SNX8: variants seen among roughly 807,000 people sequenced by gnomAD.
SNX8 encodes the protein sorting nexin-8.
Under a neutral mutation model 51.6 loss-of-function variants are expected in SNX8, and 25 were observed. That is an observed-to-expected ratio of 0.48 (90% CI 0.35 to 0.68). SNX8 has a LOEUF of 0.68. Among genes scored for constraint, SNX8 ranks in the 30% least tolerant of loss-of-function variants. The pLI, the probability that SNX8 is intolerant of heterozygous loss-of-function variation, is 0.00. For missense variants in SNX8, 695 were observed against 624.0 expected, an observed-to-expected ratio of 1.11 and a Z score of -1.21; for synonymous variants, 324 against 277.0, an observed-to-expected ratio of 1.17 and a Z score of -1.68.
chr7:2,267,953 T>C (rs1483365863), intron 5 of SNX8, among the ~76,000 whole-genome samples: 1 of 132,030 alleles, frequency 7.6e-6, no homozygotes, highest in African/African-American at 3.0e-5. Flanking sequence ...GGGGAGCGCC[T>C]CTGCCCCGCC....
chr7:2,338,017 C>G (rs1012907739), intron 1 of SNX8, among the ~76,000 whole-genome samples: 2 of 152,144 alleles, frequency 1.3e-5, no homozygotes, highest in Admixed American at 6.6e-5. Flanking sequence ...AAGACAAATA[C>G]AAACAGTGTA....
At chr7:2,335,577 CG>C (rs1256210225) in intron 1 of SNX8, among the ~76,000 whole-genome samples, 2 of 152,016 alleles carry the variant, frequency 1.3e-5, no homozygotes, top group Non-Finnish European at 2.9e-5. Context: ...CCGAGGCGGG[CG>C]TATCACGAGG....
intron 1 of SNX8, among the ~76,000 whole-genome samples, chr7:2,311,097 A>T (rs2115208309): frequency 6.6e-6 from 1 of 152,346 alleles, no homozygotes; most frequent in Non-Finnish European, 1.5e-5. Flanking sequence ...GAGCATTCAC[A>T]GCTTAAGCTT....
At chr7:2,330,571 CGA>C (rs1032948246) in intron 1 of SNX8, among the ~76,000 whole-genome samples, 1 of 152,056 alleles carries the variant, frequency 6.6e-6, no homozygotes, top group African/African-American at 2.4e-5. Flanking sequence ...GTCAAAAGTT[CGA>C]GAGGCCCAGA....
chr7:2,326,501 TAAAAATACAA>T (rs1026708921), intron 1 of SNX8, among the ~76,000 whole-genome samples: 1 of 149,858 alleles, frequency 6.7e-6, no homozygotes, highest in Non-Finnish European at 1.5e-5. Context: ...CCGTCTCTAC[TAAAAATACAA>T]AAAAATTAGC....
At chr7:2,313,423 G>T (rs1163648129) in intron 1 of SNX8, among the ~76,000 whole-genome samples, 1 of 151,666 alleles carries the variant, frequency 6.6e-6, no homozygotes, top group Non-Finnish European at 1.5e-5. Context: ...CTACTCAGGA[G>T]GCTGAGGCAG....
chr7:2,311,045 C>T (rs1328181221), intron 1 of SNX8, among the ~76,000 whole-genome samples: 1 of 152,184 alleles, frequency 6.6e-6, no homozygotes, highest in Non-Finnish European at 1.5e-5. Flanking sequence ...CCATGTATGG[C>T]ATAACTGAAA....
Position 2,314,422 on chromosome 7 carries a change from G to A in SNX8, c.-1C>T. On this transcript the variant is annotated 5_prime_UTR_variant, in exon 1 of 11. Coordinates refer to ENST00000222990, the MANE Select transcript of SNX8 (RefSeq NM_013321.4). ...GCGGGTCCATCGCGCGGCCAGTCAT[G>A]TGAGCCCGCGCTCCCACGTGACTTC... 8.2e-7 allele frequency: 1 copy of A among 1,214,782 alleles called. No homozygotes were observed. The allele number at this position is 1,214,782 out of a possible 1,614,324, so 75.3% of individuals were successfully genotyped here.
At chr7:2,287,964 G>A (rs1018606801) in intron 1 of SNX8, 12 of 152,348 alleles carry the variant, frequency 7.9e-5, no homozygotes, top group African/African-American at 2.4e-4. Flanking sequence ...ATACTCTTCA[G>A]TGTGGCTGTG....
chr7:2,306,148 T>C (rs1001386077), intron 1 of SNX8, among the ~76,000 whole-genome samples: 2 of 151,778 alleles, frequency 1.3e-5, no homozygotes, highest in Admixed American at 1.3e-4. Context: ...TTTTTTTGTT[T>C]GTTTTTTGTT....
intron 1 of SNX8, among the ~76,000 whole-genome samples, chr7:2,329,890 C>T (rs1356212707): frequency 8.9e-5 from 13 of 145,890 alleles, no homozygotes; most frequent in Middle Eastern, 3.7e-3. Flanking sequence ...TGCAGTGGTG[C>T]GATCTCGGCT....
intron 1 of SNX8, among the ~76,000 whole-genome samples, chr7:2,288,739 GGTTTTT>G (rs1042570191): frequency 1.3e-4 from 20 of 151,954 alleles, no homozygotes; most frequent in African/African-American, 1.2e-4. Flanking sequence ...CCTGTTTTGG[GGTTTTT>G]GTTTTTGAGA....
chr7:2,263,432 TC>T (rs961499500), intron 6 of SNX8, 70 bp from the exon 7 acceptor site: 81 of 1,460,516 alleles, frequency 5.5e-5, no homozygotes, highest in East Asian at 1.0e-4. Flanking sequence ...GAGTCTGGCA[TC>T]CCCCCCGACA....
chr7:2,307,214 A>G (rs1584727070), intron 1 of SNX8, among the ~76,000 whole-genome samples: 1 of 152,100 alleles, frequency 6.6e-6, no homozygotes, highest in East Asian at 1.9e-4. Flanking sequence ...TTTTAATGCC[A>G]ATATTTTCCC....
At chr7:2,353,914 G>A (rs549852105) in intron 1 of SNX8, among the ~76,000 whole-genome samples, 28 of 152,272 alleles carry the variant, frequency 1.8e-4, no homozygotes, top group African/African-American at 6.3e-4. Flanking sequence ...TGTTTTCTAG[G>A]ATGATTAAGA....
chr7:2,290,100 G>A (rs947048707), intron 1 of SNX8, among the ~76,000 whole-genome samples: 1 of 152,164 alleles, frequency 6.6e-6, no homozygotes, highest in Non-Finnish European at 1.5e-5. Context: ...GGCTGAGGAA[G>A]GAAAATCGCT....
Position 2,314,402 on chromosome 7 carries a change from T to A in SNX8, c.20A>T (p.Asp7Val). Residue 7 changes from aspartate (D) to valine (V), a missense_variant, in exon 1 of 11, where the codon GAC becomes GTC. Asp to Val is a radical substitution (Grantham distance 152, BLOSUM62 -3). Coordinates refer to ENST00000222990, the MANE Select transcript of SNX8 (RefSeq NM_013321.4). ...CCCGACTGCAGCCGCGGGCAGCGGGTCCATCGCGCGGCCAGTCATGTGAGC... is the reference window on the plus strand; with the variant it reads ...CCCGACTGCAGCCGCGGGCAGCGGGACCATCGCGCGGCCAGTCATGTGAGC... The part of the protein sequence containing the change: MTGRAM[D>V]PLPAAAVGAA... 1 of 1,218,778 alleles carries A rather than the reference T, an allele frequency of 8.2e-7. No individual in the cohort carries two copies. Among genetic ancestry groups the A allele is most frequent in the South Asian group, 4.1e-5 (1 of 24,326 alleles). 75.5% of individuals were successfully genotyped at this position (1,218,778 alleles called of 1,614,324 possible).
chr7:2,305,088 T>G (rs1562449570), intron 1 of SNX8, among the ~76,000 whole-genome samples: 2 of 152,058 alleles, frequency 1.3e-5, no homozygotes, highest in African/African-American at 2.4e-5. Flanking sequence ...TGCCGGTGGG[T>G]CACCGAAACA....
intron 1 of SNX8, among the ~76,000 whole-genome samples, chr7:2,352,539 GA>G (rs1222618642): frequency 6.6e-6 from 1 of 151,948 alleles, no homozygotes; most frequent in Non-Finnish European, 1.5e-5. Flanking sequence ...TGCATATGTA[GA>G]AAAAACATAC....
Sources: allele counts gnomAD v4.1 joint callset (sites outside exome capture counted in the v4.1 genomes callset), GRCh38; gene constraint gnomAD v4.1.1; transcripts MANE v1.5; gene names NCBI Gene and HGNC (gene_info 2026-07-23, HGNC 2026-07-21).